EPC1: variants seen among roughly 807,000 people sequenced by gnomAD.
EPC1 encodes the protein enhancer of polycomb homolog 1.
In EPC1, 12 loss-of-function variants were observed where a neutral mutation model predicts 98.4. That is an observed-to-expected ratio of 0.12 (90% CI 0.08 to 0.20). The LOEUF is 0.20. Among genes scored for constraint, EPC1 ranks in the 10% least tolerant of loss-of-function variants. The pLI, the probability that EPC1 is intolerant of heterozygous loss-of-function variation, is 1.00. For missense variants in EPC1, 729 were observed against 990.5 expected, an observed-to-expected ratio of 0.74 and a Z score of 3.54; for synonymous variants, 357 against 363.9, an observed-to-expected ratio of 0.98 and a Z score of 0.21.
At chr10:32,324,455 C>G (rs1470957266) in intron 1 of EPC1, among the ~76,000 whole-genome samples, 1 of 150,408 alleles carries the variant, frequency 6.6e-6, no homozygotes, top group African/African-American at 2.4e-5. Context: ...CGCTTGAACT[C>G]GAGATGCCAG....
intron 4 of EPC1, 35 bp from the exon 5 acceptor site, chr10:32,292,679 A>AGTATT: frequency 6.3e-7 from 1 of 1,584,052 alleles, no homozygotes; most frequent in Non-Finnish European, 8.5e-7. Context: ...AATGTTAGTA[A>AGTATT]GTATTTCTAA....
intron 1 of EPC1, among the ~76,000 whole-genome samples, chr10:32,336,800 G>A (rs1838004090): frequency 6.6e-6 from 1 of 152,156 alleles, no homozygotes; most frequent in African/African-American, 2.4e-5. Context: ...TCCATTAAAT[G>A]GATCCAGGAG....
chr10:32,272,168 C>G lies in EPC1; in HGVS notation c.1864-1G>C, dbSNP rs372518667. 3.7e-6 allele frequency: 6 copies of G among 1,600,982 alleles called. No individual in the cohort carries two copies. Among genetic ancestry groups the G allele is most frequent in the Non-Finnish European group, 5.1e-6 (6 of 1,176,290 alleles). On this transcript the variant is annotated splice_acceptor_variant, in intron 11 of 13. Coordinates refer to ENST00000319778, the MANE Select transcript of EPC1 (RefSeq NM_001272004.3). LOFTEE classifies it high-confidence loss of function. ...AATCCAAAGTCTTAGAAACAAAACC[C>G]TAAAAAGAAAATACAAAAGAAATCT...
upstream of EPC1, among the ~76,000 whole-genome samples, chr10:32,352,121 T>C (rs375998522): frequency 2.2e-4 from 33 of 148,894 alleles, 1 homozygote; most frequent in East Asian, 4.2e-3. Context: ...CTCGGCTCAC[T>C]GCAACCTCCG....
chr10:32,323,390 C>T (rs1837056250), intron 1 of EPC1, among the ~76,000 whole-genome samples: 1 of 152,108 alleles, frequency 6.6e-6, no homozygotes, highest in South Asian at 2.1e-4. Flanking sequence ...TTCAAGCTTA[C>T]CCCCTTTTAT....
chr10:32,324,225 C>G (rs1837121928), intron 1 of EPC1, among the ~76,000 whole-genome samples: 1 of 151,866 alleles, frequency 6.6e-6, no homozygotes. Context: ...GCGTGAGCCA[C>G]TGCGCCCGGC....
chr10:32,372,866 C>CA (rs1332852970), intron 1 of EPC1, among the ~76,000 whole-genome samples: 5 of 151,728 alleles, frequency 3.3e-5, no homozygotes, highest in East Asian at 1.9e-4. Context: ...ACTAAAAATA[C>CA]AAAAAAAATT....
chr10:32,354,090 A>C (rs1839201931), intron 1 of EPC1, among the ~76,000 whole-genome samples: 1 of 152,206 alleles, frequency 6.6e-6, no homozygotes, highest in Admixed American at 6.5e-5. Context: ...TCTGTACATA[A>C]TCTTTAAGAA....
chr10:32,362,938 C>A (rs1407914266), intron 1 of EPC1, among the ~76,000 whole-genome samples: 1 of 152,200 alleles, frequency 6.6e-6, no homozygotes, highest in Non-Finnish European at 1.5e-5. Flanking sequence ...CTTCTTTACA[C>A]CATACCTCCT....
In EPC1 at chr10:32,280,507, G is replaced by A. The variant is rs191139570; in HGVS notation, c.1744+4191C>T. 9.6e-4 allele frequency among the ~76,000 whole-genome samples: 146 copies of A among 151,812 alleles called. 1 individual carries two copies. The highest frequency in any genetic ancestry group is 3.2e-3 in the African/African-American group (133 of 41,400). On this transcript the variant is annotated intron_variant, in intron 10 of 13. Transcript: ENST00000319778. ...TGTAATCCCAGCATATTGGGAGGCCGAAACGGGTGGATCACAGGGTCAGGA... is the reference window on the plus strand; with the variant it reads ...TGTAATCCCAGCATATTGGGAGGCCAAAACGGGTGGATCACAGGGTCAGGA...
chr10:32,308,196 C>T (rs1835986933), intron 1 of EPC1, among the ~76,000 whole-genome samples: 1 of 152,150 alleles, frequency 6.6e-6, no homozygotes, highest in African/African-American at 2.4e-5. Flanking sequence ...GCCTGGCCAA[C>T]ATGGTGAAAC....
chr10:32,378,103 A>G (rs1279813944), intron 1 of EPC1, among the ~76,000 whole-genome samples: 2 of 152,176 alleles, frequency 1.3e-5, no homozygotes, highest in Non-Finnish European at 2.9e-5. Context: ...CATTTAAAAA[A>G]AAACTATATC....
intron 1 of EPC1, among the ~76,000 whole-genome samples, chr10:32,334,208 C>A (rs1424255627): frequency 6.6e-6 from 1 of 152,178 alleles, no homozygotes; most frequent in Non-Finnish European, 1.5e-5. Flanking sequence ...GGCACCCGCC[C>A]CCCGCTTTGA....
intron 10 of EPC1, among the ~76,000 whole-genome samples, chr10:32,277,794 C>A (rs73245624): frequency 0.033 from 4,982 of 152,174 alleles, 271 homozygotes; most frequent in African/African-American, 0.11. Context: ...GTCTTGAACT[C>A]CTTAGGCTCA....
At chr10:32,280,709 G>A (rs1423846293) in intron 10 of EPC1, among the ~76,000 whole-genome samples, 1 of 152,114 alleles carries the variant, frequency 6.6e-6, no homozygotes, top group Non-Finnish European at 1.5e-5. Flanking sequence ...CTGCACTCCA[G>A]CCTGGGAGAC....
At chr10:32,310,699 C>A (rs1457245472) in intron 1 of EPC1, among the ~76,000 whole-genome samples, 1 of 152,072 alleles carries the variant, frequency 6.6e-6, no homozygotes, top group Non-Finnish European at 1.5e-5. Context: ...CATGGTAAAA[C>A]CCTGTCTGTA....
intron 2 of EPC1, among the ~76,000 whole-genome samples, chr10:32,299,741 T>G (rs1024819392): frequency 6.6e-6 from 1 of 152,180 alleles, no homozygotes; most frequent in Non-Finnish European, 1.5e-5. Flanking sequence ...ATGACAATTT[T>G]GATCACCAGT....
chr10:32,364,171 C>T (rs950418127), intron 1 of EPC1, among the ~76,000 whole-genome samples: 4 of 151,438 alleles, frequency 2.6e-5, no homozygotes, highest in Non-Finnish European at 5.9e-5. Context: ...CCCACCACCA[C>T]ACCGGCTAAT....
At chr10:32,365,591 T>A (rs1290309996) in intron 1 of EPC1, among the ~76,000 whole-genome samples, 1 of 151,934 alleles carries the variant, frequency 6.6e-6, no homozygotes, top group Admixed American at 6.6e-5. Flanking sequence ...GGCAGGTGAA[T>A]CATTTGAGGT....
Sources: allele counts gnomAD v4.1 joint callset (sites outside exome capture counted in the v4.1 genomes callset), GRCh38; gene constraint gnomAD v4.1.1; transcripts MANE v1.5; gene names NCBI Gene and HGNC (gene_info 2026-07-23, HGNC 2026-07-21).